The following LRRC4C variants were observed in gnomAD, a reference collection of about 807,000 sequenced individuals.
The protein encoded by LRRC4C is leucine-rich repeat-containing protein 4C.
LRRC4C carries 5 observed loss-of-function variants against 33.6 expected under a neutral mutation model. That is an observed-to-expected ratio of 0.15 (90% CI 0.08 to 0.31). LRRC4C has a LOEUF of 0.31. Among genes scored for constraint, LRRC4C ranks in the 10% least tolerant of loss-of-function variants. The probability of loss-of-function intolerance (pLI) is 1.00; values close to 1 mark genes in which losing one functional copy is unlikely to be tolerated. For missense variants in LRRC4C, 560 were observed against 796.7 expected (o/e 0.70, Z 3.58); for synonymous variants, 329 against 302.0 (o/e 1.09, Z -0.93).
intron 4 of LRRC4C, among the ~76,000 whole-genome samples, chr11:40,253,094 C>T (rs1866913929): frequency 1.3e-5 from 2 of 152,176 alleles, no homozygotes; most frequent in South Asian, 2.1e-4. Context: ...CAGATAATAG[C>T]AATCCCTAAA....
At chr11:40,504,137 T>A (rs951246991) in intron 3 of LRRC4C, among the ~76,000 whole-genome samples, 2 of 152,124 alleles carry the variant, frequency 1.3e-5, no homozygotes, top group Non-Finnish European at 2.9e-5. Flanking sequence ...CCATTTAGGA[T>A]TTTGGAGTAA....
chr11:41,131,458 A>G (rs1335393748), intron 1 of LRRC4C, among the ~76,000 whole-genome samples: 5 of 152,022 alleles, frequency 3.3e-5, no homozygotes, highest in Admixed American at 1.3e-4. Context: ...TTATACATGG[A>G]TTTTGTATGA....
chr11:40,705,497 G>T (rs1330224455), intron 2 of LRRC4C, among the ~76,000 whole-genome samples: 1 of 151,424 alleles, frequency 6.6e-6, no homozygotes, highest in East Asian at 2.0e-4. Context: ...GAGAATGATG[G>T]TTTCCAGCTT....
chr11:40,140,388 G>A (rs905678312), intron 6 of LRRC4C, among the ~76,000 whole-genome samples: 6 of 152,190 alleles, frequency 3.9e-5, no homozygotes, highest in African/African-American at 1.4e-4. Context: ...CAGAAATATT[G>A]CCATGGGAGA....
chr11:40,796,300 C>T (rs767507313), intron 2 of LRRC4C, among the ~76,000 whole-genome samples: 1 of 152,104 alleles, frequency 6.6e-6, no homozygotes, highest in Non-Finnish European at 1.5e-5. Context: ...ATAACAGGAC[C>T]ATGCATTTTG....
intron 4 of LRRC4C, among the ~76,000 whole-genome samples, chr11:40,295,256 G>A (rs557671899): frequency 2.5e-4 from 38 of 152,072 alleles, no homozygotes; most frequent in African/African-American, 8.9e-4. Context: ...TTCACTTTAT[G>A]TCATTTATGT....
chr11:41,121,360 T>C (rs903387039), intron 1 of LRRC4C, among the ~76,000 whole-genome samples: 1 of 152,142 alleles, frequency 6.6e-6, no homozygotes, highest in Admixed American at 6.5e-5. Context: ...TGATAAGCAA[T>C]ACATACTTGA....
At chr11:40,205,329 A>G (rs1863064989) in intron 5 of LRRC4C, among the ~76,000 whole-genome samples, 1 of 152,188 alleles carries the variant, frequency 6.6e-6, no homozygotes, top group African/African-American at 2.4e-5. Flanking sequence ...AGCTTTCAGT[A>G]ATGTTTTCTT....
intron 1 of LRRC4C, among the ~76,000 whole-genome samples, chr11:40,973,653 T>A (rs534218339): frequency 1.4e-4 from 21 of 152,266 alleles, no homozygotes; most frequent in African/African-American, 5.1e-4. Context: ...TTTTAAAAAA[T>A]AGTGTAAATT....
intron 1 of LRRC4C, among the ~76,000 whole-genome samples, chr11:41,057,140 G>A (rs978294656): frequency 1.3e-5 from 2 of 152,236 alleles, no homozygotes; most frequent in Admixed American, 6.5e-5. Flanking sequence ...CCCATTCCCC[G>A]ACCTTCGCAG....
intron 2 of LRRC4C, among the ~76,000 whole-genome samples, chr11:40,871,016 G>A (rs920250330): frequency 3.3e-5 from 5 of 152,108 alleles, no homozygotes; most frequent in East Asian, 1.9e-4. Flanking sequence ...CGGGGCGGCC[G>A]TCTTTTATGG....
At chr11:41,092,377 T>C (rs1940487840) in intron 1 of LRRC4C, among the ~76,000 whole-genome samples, 3 of 152,206 alleles carry the variant, frequency 2.0e-5, no homozygotes, top group Non-Finnish European at 4.4e-5. Context: ...ATTAGTGCTC[T>C]ATGCCACAGG....
intron 1 of LRRC4C, among the ~76,000 whole-genome samples, chr11:41,013,995 T>C (rs1268381947): frequency 6.6e-6 from 1 of 152,168 alleles, no homozygotes; most frequent in East Asian, 1.9e-4. Context: ...CATGACCGCG[T>C]CGCCTTTCAC....
chr11:41,433,775 A>C (rs1376208339), intron 1 of LRRC4C, among the ~76,000 whole-genome samples: 2 of 151,818 alleles, frequency 1.3e-5, no homozygotes, highest in African/African-American at 4.8e-5. Context: ...CTGTGAGTTA[A>C]TACTTATTAA....
At chr11:40,288,117 A>C (rs371164372) in intron 4 of LRRC4C, among the ~76,000 whole-genome samples, 1 of 152,146 alleles carries the variant, frequency 6.6e-6, no homozygotes, top group African/African-American at 2.4e-5. Flanking sequence ...TATTACCTCT[A>C]TTTTACAGAT....
At chr11:40,225,821 G>A (rs538692093) in intron 5 of LRRC4C, among the ~76,000 whole-genome samples, 1 of 152,104 alleles carries the variant, frequency 6.6e-6, no homozygotes, top group Non-Finnish European at 1.5e-5. Context: ...GTTTCACCAT[G>A]TTAGTCAGGC....
chr11:40,990,586 G>C (rs1853465205), intron 1 of LRRC4C, among the ~76,000 whole-genome samples: 1 of 151,894 alleles, frequency 6.6e-6, no homozygotes, highest in Admixed American at 6.6e-5. Context: ...GATCCCATGA[G>C]GTTAAAACTA....
intron 3 of LRRC4C, among the ~76,000 whole-genome samples, chr11:40,520,482 T>C (rs2135221420): frequency 6.6e-6 from 1 of 152,254 alleles, no homozygotes; most frequent in Non-Finnish European, 1.5e-5. Flanking sequence ...TTTCAGAAAA[T>C]AGTGGGGCCT....
intron 1 of LRRC4C, among the ~76,000 whole-genome samples, chr11:41,395,214 C>G (rs1953760053): frequency 6.6e-6 from 1 of 151,958 alleles, no homozygotes; most frequent in Non-Finnish European, 1.5e-5. Context: ...AGCGCCTATT[C>G]TTGAGCACAT....
Sources: allele counts gnomAD v4.1 joint callset (sites outside exome capture counted in the v4.1 genomes callset), GRCh38; gene constraint gnomAD v4.1.1; transcripts MANE v1.5; gene names NCBI Gene and HGNC (gene_info 2026-07-23, HGNC 2026-07-21).